DSG4: variants seen among roughly 807,000 people sequenced by gnomAD.
DSG4 encodes desmoglein-4.
A neutral mutation model predicts 93.1 loss-of-function variants in DSG4; 87 were observed. The observed-to-expected ratio is 0.93, with a 90% confidence interval of 0.79 to 1.12. The LOEUF (loss-of-function observed/expected upper bound fraction) is 1.12. Ranked by LOEUF, DSG4 falls within the 50% of genes most tolerant of loss-of-function variation. DSG4 has a pLI of 0.00. For synonymous variants in DSG4, 432 were observed against 452.9 expected, an observed-to-expected ratio of 0.95 and a Z score of 0.59; for missense variants, 1,373 against 1,285.7, an observed-to-expected ratio of 1.07 and a Z score of -1.04.
rs927103837 is a variant in DSG4 at position 31,413,103 on chromosome 18, T to C, written c.2631T>C (p.Val877=). Reference sequence around the variant, plus strand: ...CTTTGCTCGGACCTAATTACTTTGTTAATGAATCTTCAGGATTGACTCCCT... The same window carrying C: ...CTTTGCTCGGACCTAATTACTTTGTCAATGAATCTTCAGGATTGACTCCCT... The part of the protein sequence containing the change: ...DLPLLGPNYF[V]NESSGLTPSE... Residue 877 remains valine (V), a synonymous_variant, in exon 16 of 16, where the codon GTT becomes GTC. Transcript: ENST00000308128. The C allele has an allele frequency of 6.2e-7, 1 of 1,614,026 alleles. No homozygotes were observed. The highest frequency in any genetic ancestry group is 1.3e-5 in the African/African-American group (1 of 74,910).
chr18:31,409,669 C>G, intron 13 of DSG4, 76 bp from the exon 14 acceptor site: 1 of 1,613,606 alleles, frequency 6.2e-7, no homozygotes, highest in East Asian at 2.2e-5. Flanking sequence ...ACATGCTGCA[C>G]AAAAATGAAC....
At chr18:31,405,929 T>C in intron 11 of DSG4, 148 bp from the exon 12 acceptor site, 1 of 612,662 alleles carries the variant, frequency 1.6e-6, no homozygotes. Context: ...TAAATAAATG[T>C]TAAAAAAAAG....
At position 31,388,348 on chromosome 18, in the gene DSG4, C is replaced by T. The variant is rs1316175431; in HGVS notation, c.217-19C>T. On this transcript the variant is annotated intron_variant, in intron 3 of 15. Transcript: ENST00000308128. ...ATCTGCTCTAAACTGGATCACAATC[C>T]TAGCTATTTTTCTTATAGATTCGAT... 1.9e-6 allele frequency: 3 copies of T among 1,612,172 alleles called. No individual in the cohort carries two copies. In the East Asian group the frequency reaches 6.7e-5, roughly 36 times the overall value.
rs746220747 is a variant in DSG4 at position 31,413,092 on chromosome 18, A to G, written c.2620A>G (p.Asn874Asp). The change falls in exon 16 of 16, where the codon AAT becomes GAT. Residue 874 changes from asparagine to aspartate, a missense_variant. Transcript: ENST00000308128. The part of the protein sequence containing the change: ...ISTDLPLLGP[N>D]YFVNESSGLT... ...TACTGACCTCCCTTTGCTCGGACCT[A>G]ATTACTTTGTTAATGAATCTTCAGG... is the stretch of plus-strand genomic sequence containing the variant. The G allele has an allele frequency of 1.2e-6, 2 of 1,614,128 alleles. No homozygotes were observed. The highest frequency in any genetic ancestry group is 1.7e-6 in the Non-Finnish European group (2 of 1,180,016).
chr18:31,386,021 A>T (rs2072183027), intron 2 of DSG4, among the ~76,000 whole-genome samples: 2 of 152,156 alleles, frequency 1.3e-5, no homozygotes, highest in Non-Finnish European at 2.9e-5. Flanking sequence ...GTATACATCA[A>T]TAGCAGCAAC....
chr18:31,406,202 G>C lies in DSG4; in HGVS notation c.1762G>C (p.Asp588His). ...LAQMVQLYAC[D>H]CDDNHMCLDS... Reference sequence around the variant, plus strand: ...ACAAATGGTGCAGTTATATGCCTGTGATTGCGATGACAACCACATGTGCCT... The same window carrying C: ...ACAAATGGTGCAGTTATATGCCTGTCATTGCGATGACAACCACATGTGCCT... Residue 588 changes from aspartate (D) to histidine (H), a missense_variant, in exon 12 of 16, where the codon GAT becomes CAT. Physicochemically the swap from Asp to His is moderately conservative, Grantham distance 81. Transcript: ENST00000308128. 1 of 1,614,152 alleles carries C rather than the reference G, an allele frequency of 6.2e-7. No homozygotes were observed. The highest frequency in any genetic ancestry group is 8.5e-7 in the Non-Finnish European group (1 of 1,180,036).
At chr18:31,409,034 G>C (rs908377555) in intron 12 of DSG4, among the ~76,000 whole-genome samples, 1 of 152,078 alleles carries the variant, frequency 6.6e-6, no homozygotes, top group East Asian at 1.9e-4. Flanking sequence ...CTGTAATAAG[G>C]ATTGAAGATA....
At chr18:31,382,798 A>G (rs1006386320) in intron 1 of DSG4, among the ~76,000 whole-genome samples, 15 of 152,204 alleles carry the variant, frequency 9.9e-5, no homozygotes, top group Non-Finnish European at 7.3e-5. Flanking sequence ...TCAGCACAGC[A>G]TAGGTTCTGC....
intron 7 of DSG4, among the ~76,000 whole-genome samples, chr18:31,391,810 A>G (rs534374997): frequency 6.6e-6 from 1 of 152,238 alleles, no homozygotes; most frequent in East Asian, 1.9e-4. Flanking sequence ...CACAATATCT[A>G]ATATATTTAC....
At chr18:31,400,802 C>A in intron 9 of DSG4, 79 bp from the exon 10 acceptor site, 1 of 1,464,142 alleles carries the variant, frequency 6.8e-7, no homozygotes, top group Non-Finnish European at 9.5e-7. Flanking sequence ...TTAAAGTTTG[C>A]CACATTGTAG....
At chr18:31,407,180 T>C (rs1406563004) in intron 12 of DSG4, among the ~76,000 whole-genome samples, 1 of 150,478 alleles carries the variant, frequency 6.6e-6, no homozygotes, top group Non-Finnish European at 1.5e-5. Flanking sequence ...GAGCAAGATA[T>C]GGAAGAGCAT....
chr18:31,406,225 C>T lies in DSG4; in HGVS notation c.1785C>T (p.Cys595=), dbSNP rs372835308. 4 of 1,612,920 alleles carry T rather than the reference C, an allele frequency of 2.5e-6. No homozygotes were observed. In the African/African-American group the frequency reaches 5.4e-5, roughly 22 times the overall value. The change falls in exon 12 of 16, where the codon TGC becomes TGT. Residue 595 remains cysteine, a synonymous_variant. Coordinates refer to ENST00000308128, the MANE Select transcript of DSG4 (RefSeq NM_177986.5). Reference sequence around the variant, plus strand: ...GTGATTGCGATGACAACCACATGTGCCTGGACTCTGGTGCCGCGGGCATCT... The same window carrying T: ...GTGATTGCGATGACAACCACATGTGTCTGGACTCTGGTGCCGCGGGCATCT... The part of the protein sequence containing the change: ...YACDCDDNHM[C]LDSGAAGIYT...
chr18:31,386,821 T>C lies in DSG4; in HGVS notation c.216+2T>C. 3 of 1,613,054 alleles carry C rather than the reference T, an allele frequency of 1.9e-6. No homozygotes were observed. Among genetic ancestry groups the C allele is most frequent in the Non-Finnish European group, 2.5e-6 (3 of 1,179,204 alleles). On this transcript the variant is annotated splice_donor_variant, in intron 3 of 15. Transcript: ENST00000308128. LOFTEE classifies it high-confidence loss of function. Reference sequence around the variant, plus strand: ...TCGAAGAGGAACCCCATTGCCAAAGTAAGTGATGAAGCAATCTGATGACAA... The same window carrying C: ...TCGAAGAGGAACCCCATTGCCAAAGCAAGTGATGAAGCAATCTGATGACAA...
intron 11 of DSG4, among the ~76,000 whole-genome samples, chr18:31,405,253 TATG>T (rs569136101): frequency 6.6e-6 from 1 of 152,226 alleles, no homozygotes; most frequent in Non-Finnish European, 1.5e-5. Context: ...CAATATGTTT[TATG>T]AAAATTCATA....
intron 10 of DSG4, among the ~76,000 whole-genome samples, chr18:31,402,691 T>A (rs963881319): frequency 8.9e-6 from 1 of 112,098 alleles, no homozygotes; most frequent in Non-Finnish European, 2.0e-5. Context: ...AAGATTCTTT[T>A]CAAGTTAAAA....
intron 11 of DSG4, among the ~76,000 whole-genome samples, 153 bp from the exon 12 acceptor site, chr18:31,405,924 A>G (rs535072424): frequency 7.9e-5 from 12 of 152,092 alleles, no homozygotes; most frequent in Admixed American, 2.6e-4. Context: ...TAAATTAAAT[A>G]AATGTTAAAA....
At chr18:31,386,598 T>C (rs1173239039) in intron 2 of DSG4, 90 bp from the exon 3 acceptor site, 6 of 1,564,230 alleles carry the variant, frequency 3.8e-6, no homozygotes, top group Non-Finnish European at 5.3e-6. Flanking sequence ...TCACTGTTTC[T>C]TCTAAATGCA....
chr18:31,399,226 G>C, intron 8 of DSG4, 46 bp from the exon 9 acceptor site: 1 of 1,611,062 alleles, frequency 6.2e-7, no homozygotes, highest in Non-Finnish European at 8.5e-7. Context: ...TTTATCGAAA[G>C]AGAGTTCTTT....
chr18:31,397,116 C>T (rs2144190786), intron 8 of DSG4, among the ~76,000 whole-genome samples: 1 of 152,280 alleles, frequency 6.6e-6, no homozygotes, highest in South Asian at 2.1e-4. Flanking sequence ...CTAGAATTAG[C>T]AGTGTCATAT....
Sources: gnomAD v4.1 joint callset for allele counts (sites outside exome capture counted in the v4.1 genomes callset) on GRCh38, gnomAD v4.1.1 for gene constraint, MANE v1.5 for transcripts, NCBI Gene and HGNC (gene_info 2026-07-23, HGNC 2026-07-21) for gene names.